Variants in MED14 observed in about 807,000 individuals in gnomAD.
MED14 encodes the protein mediator complex subunit 14, also known as mediator of RNA polymerase II transcription subunit 14.
In MED14, 8 loss-of-function variants were observed where a neutral mutation model predicts 109.0. That is an observed-to-expected ratio of 0.07 (90% CI 0.04 to 0.13). The LOEUF is 0.13. Ranked by LOEUF, MED14 falls within the 10% of genes least tolerant of loss-of-function variation. The pLI is 1.00. For synonymous variants in MED14, 399 were observed against 408.7 expected (o/e 0.98, Z 0.29); for missense variants, 711 against 1,142.4 (o/e 0.62, Z 5.44).
At position 40,651,653 on chromosome X, in the gene MED14, A is replaced by G. The variant is rs975015019; in HGVS notation, c.*153T>C. The G allele has an allele frequency of 6.7e-6, 7 of 1,046,381 alleles. No homozygotes were observed. The highest frequency in any genetic ancestry group is 8.6e-6 in the Non-Finnish European group (7 of 815,775). 86.2% of individuals were successfully genotyped at this position (1,046,381 alleles called of 1,213,427 possible). ...CAAAAGATGGATGATCATTTTGATG[A>G]AAGAAGTGCACCCTGAAAATTTTTG... On this transcript the variant is annotated 3_prime_UTR_variant, in exon 31 of 31. Coordinates refer to ENST00000324817, the MANE Select transcript of MED14 (RefSeq NM_004229.4).
At chrX:40,700,309 T>C (rs1197150107) in intron 12 of MED14, among the ~76,000 whole-genome samples, 1 of 86,479 alleles carries the variant, frequency 1.2e-5, no homozygotes, top group Non-Finnish European at 2.1e-5. Context: ...TGAGCTGAGA[T>C]CACGCTATTG....
rs189161778 is a variant in MED14 at position 40,679,900 on chromosome X, T to C, written c.2844A>G (p.Lys948=). 1 of 1,209,998 alleles carries C rather than the reference T, an allele frequency of 8.3e-7. No individual in the cohort carries two copies. Among genetic ancestry groups the C allele is most frequent in the East Asian group, 3.0e-5 (1 of 33,778 alleles). Residue 948 remains lysine, a synonymous_variant, in exon 21 of 31, where the codon AAA becomes AAG. Coordinates refer to ENST00000324817, the MANE Select transcript of MED14 (RefSeq NM_004229.4). ...DGAYSLFDNS[K]LVEGFYPAPG... is the part of the protein sequence containing the mutation. ...GTGCAGGATAGAAACCTTCAACTAG[T>C]TTGCTGTTATCAAAAAGACTATAGG...
intron 22 of MED14, among the ~76,000 whole-genome samples, chrX:40,672,456 T>C (rs1438743770): frequency 1.8e-5 from 2 of 112,366 alleles, no homozygotes; most frequent in Non-Finnish European, 3.8e-5. Flanking sequence ...TGAAATATGG[T>C]AGCTCAGCCT....
At chrX:40,695,104 C>A (rs968417551) in intron 13 of MED14, among the ~76,000 whole-genome samples, 7 of 111,060 alleles carry the variant, frequency 6.3e-5, no homozygotes, top group African/African-American at 2.3e-4. Context: ...AGAAACTGGA[C>A]GGAAAAGGCA....
Position 40,706,782 on chromosome X carries a change from TTTCTGTTTTTTAACTTACTAAGTTTTTG to T in MED14, c.1285+2538_1285+2565del, listed in dbSNP as rs1311862698. Reference sequence around the variant, plus strand: ...ATCCCTTGGCAATCATAGTTTTTTGTTTCTGTTTTTTAACTTACTAAGTTTTTGTTCTGTTTTTTAACTTACTAAGCCT... The same window carrying T: ...ATCCCTTGGCAATCATAGTTTTTTGTTTCTGTTTTTTAACTTACTAAGCCT... On this transcript the variant is annotated intron_variant, in intron 10 of 30. Transcript: ENST00000324817. Among the ~76,000 whole-genome samples, 378 of 112,019 alleles carry T rather than the reference TTTCTGTTTTTTAACTTACTAAGTTTTTG, an allele frequency of 3.4e-3. 1 individual carries two copies. Among genetic ancestry groups the T allele is most frequent in the African/African-American group, 0.011 (355 of 30,882 alleles).
chrX:40,679,799 C>T lies in MED14; in HGVS notation c.2880+65G>A, dbSNP rs776303091. On this transcript the variant is annotated intron_variant, in intron 21 of 30. Coordinates refer to ENST00000324817, the MANE Select transcript of MED14 (RefSeq NM_004229.4). ...TGTTGCTTTTCCCCATTATTTCCCC[C>T]TCAAAGAAACTATTTTAGAGATAAT... 1,887 of 1,085,868 alleles carry T rather than the reference C, an allele frequency of 1.7e-3. 2 individuals are homozygous for T. Among genetic ancestry groups the T allele is most frequent in the Non-Finnish European group, 2.2e-3 (1,738 of 806,436 alleles). 89.5% of individuals were successfully genotyped at this position (1,085,868 alleles called of 1,213,427 possible). A position where few individuals can be genotyped will look rare whatever the true frequency, so the allele number is the denominator to read the frequency against.
At chrX:40,671,612 C>A (rs1451178788) in intron 23 of MED14, among the ~76,000 whole-genome samples, 1 of 111,978 alleles carries the variant, frequency 8.9e-6, no homozygotes, top group African/African-American at 3.2e-5. Flanking sequence ...GTGATTAGCA[C>A]CCCCTGGAGT....
rs190010955 is a variant in MED14 at position 40,723,650 on chromosome X, A to T, written c.348+3096T>A. Reference sequence around the variant, plus strand: ...CACTGCACTCCAGCCTGGGCAACAGAGTGAGACTCCGTCTCAGAAAAAAAA... The same window carrying T: ...CACTGCACTCCAGCCTGGGCAACAGTGTGAGACTCCGTCTCAGAAAAAAAA... On this transcript the variant is annotated intron_variant, in intron 3 of 30. Transcript: ENST00000324817. Among the ~76,000 whole-genome samples the T allele has an allele frequency of 8.7e-5, 7 of 80,008 alleles. No individual in the cohort carries two copies. The East Asian group carries it at 3.3e-3, about 38-fold the overall frequency. 69.5% of individuals were successfully genotyped at this position (80,008 alleles called of 115,157 possible).
intron 12 of MED14, among the ~76,000 whole-genome samples, chrX:40,697,484 G>A (rs1302924511): frequency 2.7e-5 from 3 of 111,461 alleles, no homozygotes; most frequent in African/African-American, 9.8e-5. Flanking sequence ...GATTTCCTAC[G>A]GTTTAAAGAC....
At chrX:40,653,869 A>G (rs1928962528) in intron 30 of MED14, 1 of 114,447 alleles carries the variant, frequency 8.7e-6, no homozygotes, top group African/African-American at 3.2e-5. Context: ...AAAAGCAGTA[A>G]TGCCATTTGT....
chrX:40,708,529 A>C (rs1315158861), intron 10 of MED14, among the ~76,000 whole-genome samples: 1 of 112,132 alleles, frequency 8.9e-6, no homozygotes, highest in African/African-American at 3.2e-5. Flanking sequence ...TAGCACTATT[A>C]AGACTTCCTA....
In MED14 at chrX:40,697,159, G is replaced by A; in HGVS notation, c.1515C>T (p.Cys505=). The change falls in exon 13 of 31, where the codon TGC becomes TGT. Residue 505 remains cysteine, a synonymous_variant. Transcript: ENST00000324817. ...TAGGCAGATGTTTTATAGACTGCTT[G>A]CAACGCTGTTGTCCAAGCCAAAACC... ...QLKFWLGQQR[C]KQSIKHLPTI... 3 of 1,196,588 alleles carry A rather than the reference G, an allele frequency of 2.5e-6. No homozygotes were observed. Among genetic ancestry groups the A allele is most frequent in the Non-Finnish European group, 3.4e-6 (3 of 882,921 alleles).
rs1928831775 is a variant in MED14, at chrX:40,650,584, CCTGA to C, written c.*1218_*1221del. 2.7e-6 allele frequency: 2 copies of C among 751,855 alleles called. No individual in the cohort carries two copies. Among genetic ancestry groups the C allele is most frequent in the South Asian group, 1.4e-4 (2 of 14,662 alleles). 62.0% of individuals were successfully genotyped at this position (751,855 alleles called of 1,213,427 possible). A position where few individuals can be genotyped will look rare whatever the true frequency, so the allele number is the denominator to read the frequency against. On this transcript the variant is annotated 3_prime_UTR_variant, in exon 31 of 31. Transcript: ENST00000324817. ...ATGTTCTTTGAAGCTTAAAAAAGTC[CCTGA>C]CTGACTAGGAAAGACAGCACAGTGC...
chrX:40,726,834 T>C lies in MED14; in HGVS notation c.260A>G (p.Gln87Arg). 1 of 1,204,901 alleles carries C rather than the reference T, an allele frequency of 8.3e-7. No individual in the cohort carries two copies. The highest frequency in any genetic ancestry group is 1.1e-6 in the Non-Finnish European group (1 of 891,537). ...GAGTTGGCGTGTCCGGCTAGCAAAC[T>C]GCACTATTTCTATTTTCCTATAAAA... ...SDVERKIEIV[Q>R]FASRTRQLFV... Residue 87 changes from glutamine to arginine, a missense_variant, in exon 3 of 31, where the codon CAG becomes CGG. Around this residue, in one of 8 missense-constraint regions of MED14, gnomAD observed 31 missense variants for 79.3 expected, o/e 0.39. Coordinates refer to ENST00000324817, the MANE Select transcript of MED14 (RefSeq NM_004229.4).
chrX:40,730,867 G>T (rs1484161847), intron 1 of MED14, among the ~76,000 whole-genome samples: 7 of 97,964 alleles, frequency 7.1e-5, no homozygotes, highest in Non-Finnish European at 1.2e-4. Flanking sequence ...GTCAGGTACG[G>T]TGGCTCACAC....
chrX:40,653,314 T>C (rs1294914738), intron 30 of MED14, among the ~76,000 whole-genome samples: 1 of 111,612 alleles, frequency 9.0e-6, no homozygotes, highest in African/African-American at 3.3e-5. Flanking sequence ...AAGCAGAAAA[T>C]TGTAAGAAGT....
At chrX:40,697,893 T>C (rs931971143) in intron 12 of MED14, among the ~76,000 whole-genome samples, 1 of 111,919 alleles carries the variant, frequency 8.9e-6, no homozygotes, top group Non-Finnish European at 1.9e-5. Flanking sequence ...GTGTGGCAAG[T>C]TGCATGTGGT....
intron 21 of MED14, among the ~76,000 whole-genome samples, chrX:40,678,469 T>C (rs1274281520): frequency 2.7e-5 from 3 of 111,521 alleles, no homozygotes; most frequent in Admixed American, 9.6e-5. Context: ...GCAGCAGCGC[T>C]TACATATTCA....
At chrX:40,697,652 T>C (rs1363338630) in intron 12 of MED14, among the ~76,000 whole-genome samples, 2 of 112,370 alleles carry the variant, frequency 1.8e-5, no homozygotes, top group African/African-American at 6.5e-5. Context: ...GTTTTTAATA[T>C]AGTACTCCTT....
Sources: gnomAD v4.1 joint callset for allele counts (sites outside exome capture counted in the v4.1 genomes callset) on GRCh38, gnomAD v4.1.1 for gene constraint, gnomAD v4.1.1 regional missense constraint, MANE v1.5 for transcripts, NCBI Gene and HGNC (gene_info 2026-07-23, HGNC 2026-07-21) for gene names.